The following FAF1 variants were observed in gnomAD, a reference collection of about 807,000 sequenced individuals.
The protein encoded by FAF1 is Fas associated factor 1.
A neutral mutation model predicts 92.5 loss-of-function variants in FAF1; 25 were observed. The observed-to-expected ratio is 0.27, with a 90% CI of 0.20 to 0.38. FAF1 has a LOEUF of 0.38. FAF1 is among the 10% of genes least tolerant of loss of function. The probability of loss-of-function intolerance (pLI) is 1.00; values close to 1 mark genes in which losing one functional copy is unlikely to be tolerated. For missense variants in FAF1, 636 were observed against 793.3 expected, an observed-to-expected ratio of 0.80 and a Z score of 2.38; for synonymous variants, 234 against 273.2, an observed-to-expected ratio of 0.86 and a Z score of 1.42.
chr1:50,822,746 T>TTTTTTTTCTTTC (rs1553143360), intron 2 of FAF1, among the ~76,000 whole-genome samples: 2 of 144,288 alleles, frequency 1.4e-5, no homozygotes, highest in Admixed American at 6.8e-5. Flanking sequence ...TTTTGGTGTT[T>TTTTTTTTCTTTC]TTTCTTTCTT....
intron 15 of FAF1, among the ~76,000 whole-genome samples, chr1:50,518,443 C>CTTTT (rs747169544): frequency 7.1e-6 from 1 of 140,974 alleles, no homozygotes; most frequent in Non-Finnish European, 1.6e-5. Flanking sequence ...AAGTTTCTTT[C>CTTTT]TTTTTTTTTT....
intron 2 of FAF1, among the ~76,000 whole-genome samples, chr1:50,857,206 T>C (rs1482640514): frequency 6.6e-6 from 1 of 151,872 alleles, no homozygotes; most frequent in Admixed American, 6.6e-5. Context: ...TAAGTCCACA[T>C]AACATATGTG....
intron 5 of FAF1, among the ~76,000 whole-genome samples, chr1:50,741,382 G>A (rs1659381246): frequency 6.6e-6 from 1 of 152,232 alleles, no homozygotes; most frequent in African/African-American, 2.4e-5. Flanking sequence ...AGATGATGTT[G>A]TAGAGGCGAG....
chr1:50,757,965 T>C (rs1660146863), intron 4 of FAF1, among the ~76,000 whole-genome samples: 1 of 152,212 alleles, frequency 6.6e-6, no homozygotes, highest in Non-Finnish European at 1.5e-5. Context: ...ACACCCAGGC[T>C]GGAGTGCAGT....
At chr1:50,886,738 A>G (rs1399110482) in intron 1 of FAF1, among the ~76,000 whole-genome samples, 2 of 152,204 alleles carry the variant, frequency 1.3e-5, no homozygotes, top group African/African-American at 4.8e-5. Flanking sequence ...ATAGTATTCA[A>G]TGGTGTATAT....
At chr1:50,719,245 T>C (rs1481275123) in intron 6 of FAF1, among the ~76,000 whole-genome samples, 1 of 152,226 alleles carries the variant, frequency 6.6e-6, no homozygotes, top group African/African-American at 2.4e-5. Context: ...TAAACTAACA[T>C]ATACTAATAA....
In FAF1 at chr1:50,612,297, G is replaced by A. The variant is rs752176129; in HGVS notation, c.745-16081C>T. On this transcript the variant is annotated intron_variant, in intron 8 of 18. Coordinates refer to ENST00000396153, the MANE Select transcript of FAF1 (RefSeq NM_007051.3). ...CACAACAAATTCAGAGAATCAAGAC[G>A]AAATCTTCAGTTACAATGAAAAGGT... 7 of 1,093,950 alleles carry A rather than the reference G, an allele frequency of 6.4e-6. No individual in the cohort carries two copies. The African/African-American group carries it at 6.7e-5, about 10-fold the overall frequency. 67.8% of individuals were successfully genotyped at this position (1,093,950 alleles called of 1,614,324 possible).
At chr1:50,782,077 C>A (rs969584239) in intron 4 of FAF1, among the ~76,000 whole-genome samples, 1 of 152,084 alleles carries the variant, frequency 6.6e-6, no homozygotes, top group Non-Finnish European at 1.5e-5. Flanking sequence ...CACATAGAAT[C>A]GTATATAGTA....
intron 13 of FAF1, among the ~76,000 whole-genome samples, chr1:50,540,852 CAG>C (rs1435184759): frequency 6.6e-6 from 1 of 152,112 alleles, no homozygotes; most frequent in Non-Finnish European, 1.5e-5. Context: ...AAAGGCAAAA[CAG>C]TGGAAATTCT....
chr1:50,767,269 G>A (rs1371420746), intron 4 of FAF1, among the ~76,000 whole-genome samples: 1 of 151,936 alleles, frequency 6.6e-6, no homozygotes, highest in Non-Finnish European at 1.5e-5. Context: ...AAATTAAAAA[G>A]ACTCAAAAAA....
In FAF1 at chr1:50,607,730, C is replaced by T. The variant is rs923509284; in HGVS notation, c.745-11514G>A. 1.4e-4 allele frequency among the ~76,000 whole-genome samples: 21 copies of T among 152,298 alleles called. No individual in the cohort carries two copies. In the East Asian group the frequency reaches 3.9e-3, roughly 28 times the overall value. On this transcript the variant is annotated intron_variant, in intron 8 of 18. Coordinates refer to ENST00000396153, the MANE Select transcript of FAF1 (RefSeq NM_007051.3). ...TCCCCAATTTCACATTTTTCTGTCTCCAAAACACTTGGTATCTTTTGGTAG... is the reference window on the plus strand; with the variant it reads ...TCCCCAATTTCACATTTTTCTGTCTTCAAAACACTTGGTATCTTTTGGTAG...
At chr1:50,786,952 T>C (rs2124571363) in intron 4 of FAF1, among the ~76,000 whole-genome samples, 1 of 152,328 alleles carries the variant, frequency 6.6e-6, no homozygotes, top group Middle Eastern at 3.4e-3. Context: ...CAGCTTTGCT[T>C]TCCAAGACTC....
intron 15 of FAF1, among the ~76,000 whole-genome samples, chr1:50,529,226 T>G (rs1424864089): frequency 6.6e-6 from 1 of 152,220 alleles, no homozygotes; most frequent in African/African-American, 2.4e-5. Flanking sequence ...CAATGAACCA[T>G]TGTTGAGCCA....
At chr1:50,891,649 A>C (rs923547017) in intron 1 of FAF1, among the ~76,000 whole-genome samples, 1 of 152,212 alleles carries the variant, frequency 6.6e-6, no homozygotes, top group Non-Finnish European at 1.5e-5. Context: ...CCTGGGTTTC[A>C]GCAGCAGAGG....
At chr1:50,753,359 G>C (rs1025736701) in intron 4 of FAF1, among the ~76,000 whole-genome samples, 1 of 152,192 alleles carries the variant, frequency 6.6e-6, no homozygotes, top group African/African-American at 2.4e-5. Flanking sequence ...TTATTAATAA[G>C]TATACCACTG....
In FAF1 at chr1:50,724,272, CAT is replaced by C. The variant is rs1373836944; in HGVS notation, c.551+14589_551+14590del. Among the ~76,000 whole-genome samples the C allele has an allele frequency of 1.4e-3, 172 of 124,584 alleles. 3 individuals are homozygous for C. The East Asian group carries it at 0.023, about 16-fold the overall frequency. The allele number at this position is 124,584 out of a possible 152,430, so 81.7% of individuals were successfully genotyped here. On this transcript the variant is annotated intron_variant, in intron 6 of 18. Coordinates refer to ENST00000396153, the MANE Select transcript of FAF1 (RefSeq NM_007051.3). ...AAAAAAAAACAACCATATATATATACATATACACACACACACACACACATACA... is the reference window on the plus strand; with the variant it reads ...AAAAAAAAACAACCATATATATATACATACACACACACACACACACATACA...
At chr1:50,802,334 C>T (rs1662026438) in intron 2 of FAF1, among the ~76,000 whole-genome samples, 1 of 152,170 alleles carries the variant, frequency 6.6e-6, no homozygotes, top group African/African-American at 2.4e-5. Flanking sequence ...AGGTGATCCA[C>T]CCGCCTCGGC....
chr1:50,932,002 GAAT>G (rs1230776715), intron 1 of FAF1, among the ~76,000 whole-genome samples: 11 of 136,758 alleles, frequency 8.0e-5, no homozygotes, highest in Non-Finnish European at 1.2e-4. Context: ...GCAATTCTGG[GAAT>G]AATAATAATA....
intron 15 of FAF1, among the ~76,000 whole-genome samples, chr1:50,513,329 C>A (rs892074508): frequency 3.3e-5 from 5 of 152,114 alleles, no homozygotes; most frequent in African/African-American, 1.2e-4. Context: ...GAAAAAAATA[C>A]AAAAATTAAC....
Sources: gnomAD v4.1 joint callset for allele counts (sites outside exome capture counted in the v4.1 genomes callset) on GRCh38, gnomAD v4.1.1 for gene constraint, MANE v1.5 for transcripts, NCBI Gene and HGNC (gene_info 2026-07-23, HGNC 2026-07-21) for gene names.